The following COL19A1 variants were observed in gnomAD, a reference collection of about 807,000 sequenced individuals.
The protein encoded by COL19A1 is collagen alpha-1(XIX) chain.
A neutral mutation model predicts 190.2 loss-of-function variants in COL19A1; 159 were observed. The ratio of observed to expected loss-of-function variants is 0.84; its 90% CI spans 0.73 to 0.95. The LOEUF (loss-of-function observed/expected upper bound fraction) is 0.95, where lower values mean the gene tolerates loss of function less well. COL19A1 is among the 40% of genes least tolerant of loss of function. The probability of loss-of-function intolerance (pLI) is 0.00; values close to 1 mark genes in which losing one functional copy is unlikely to be tolerated. For missense variants in COL19A1, 1,418 were observed against 1,431.9 expected (o/e 0.99, Z 0.16); for synonymous variants, 509 against 458.9 (o/e 1.11, Z -1.39).
chr6:70,161,928 G>T lies in COL19A1; in HGVS notation c.2321G>T (p.Gly774Val). ...CTTCAAGGAATTCCAGGCATTCCAGGTGCTCCAGGCCCGACTGGACCCCCT... is the reference window on the plus strand; with the variant it reads ...CTTCAAGGAATTCCAGGCATTCCAGTTGCTCCAGGCCCGACTGGACCCCCT... ...EGLQGIPGIPGAPGPTGPPGL... is the reference protein window; with the variant it reads ...EGLQGIPGIPVAPGPTGPPGL... Residue 774 changes from glycine (G) to valine (V), a missense_variant, in exon 35 of 51, where the codon GGT becomes GTT. Physicochemically the swap from Gly to Val is moderately radical, Grantham distance 109. Transcript: ENST00000620364. The T allele has an allele frequency of 6.2e-7, 1 of 1,607,098 alleles. No homozygotes were observed. The highest frequency in any genetic ancestry group is 8.5e-7 in the Non-Finnish European group (1 of 1,176,682).
chr6:69,906,450 A>AT (rs1260633630), intron 4 of COL19A1, among the ~76,000 whole-genome samples: 1 of 152,186 alleles, frequency 6.6e-6, no homozygotes, highest in East Asian at 1.9e-4. Flanking sequence ...GCTGTGACCC[A>AT]TTAAAAAAAA....
chr6:70,069,063 C>T (rs1781408910), intron 15 of COL19A1, among the ~76,000 whole-genome samples: 1 of 152,016 alleles, frequency 6.6e-6, no homozygotes, highest in African/African-American at 2.4e-5. Flanking sequence ...CAGTGGGGAC[C>T]CCATTCTTGT....
rs368243723 is a variant in COL19A1, at chr6:70,180,338, A to T, written c.2694A>T (p.Pro898=). 6.2e-7 allele frequency: 1 copy of T among 1,614,184 alleles called. No homozygotes were observed. The highest frequency in any genetic ancestry group is 8.5e-7 in the Non-Finnish European group (1 of 1,180,010). The change falls in exon 43 of 51, where the codon CCA becomes CCT. Residue 898 remains proline, a synonymous_variant. Transcript: ENST00000620364. ...MSGKPGAPGP[P]GVPGEPGERG... ...GAAAACCTGGTGCCCCAGGGCCTCC[A>T]GGAGTTCCAGGGGAACCGGTGAGTT...
At chr6:70,047,320 G>C (rs928683026) in intron 14 of COL19A1, among the ~76,000 whole-genome samples, 4 of 152,038 alleles carry the variant, frequency 2.6e-5, no homozygotes, top group Non-Finnish European at 5.9e-5. Flanking sequence ...TTACAAGGCA[G>C]ATATACGTGA....
chr6:69,895,360 C>T (rs1242362390), intron 2 of COL19A1, among the ~76,000 whole-genome samples: 3 of 152,238 alleles, frequency 2.0e-5, no homozygotes, highest in Non-Finnish European at 4.4e-5. Flanking sequence ...TCATTTCACT[C>T]ACCACTTCTT....
At chr6:69,935,642 T>A (rs995347645) in intron 7 of COL19A1, among the ~76,000 whole-genome samples, 1 of 152,068 alleles carries the variant, frequency 6.6e-6, no homozygotes, top group African/African-American at 2.4e-5. Flanking sequence ...AGTTGCTGTA[T>A]TTCTGGGTGT....
Position 69,929,442 on chromosome 6 carries a change from T to C in COL19A1, c.408T>C (p.Asp136=). 6.2e-7 allele frequency: 1 copy of C among 1,613,858 alleles called. No individual in the cohort carries two copies. The highest frequency in any genetic ancestry group is 8.5e-7 in the Non-Finnish European group (1 of 1,179,872). ...TTTTGCAGATTTCTATAGTAGTTGA[T>C]GGTGGAAAGAAGGTGGTGGAATTTA... ...QNIPQISIVV[D]GGKKVVEFMF... is the part of the protein sequence containing the mutation. The change falls in exon 6 of 51, where the codon GAT becomes GAC. Residue 136 remains aspartate, a synonymous_variant. Coordinates refer to ENST00000620364, the MANE Select transcript of COL19A1 (RefSeq NM_001858.6).
intron 9 of COL19A1, among the ~76,000 whole-genome samples, chr6:69,946,203 C>T (rs1446342682): frequency 6.6e-6 from 1 of 151,944 alleles, no homozygotes; most frequent in African/African-American, 2.4e-5. Flanking sequence ...ATTGAAGTAA[C>T]AGCAATAGTA....
At chr6:70,073,896 T>C (rs1229016988) in intron 15 of COL19A1, among the ~76,000 whole-genome samples, 1 of 152,210 alleles carries the variant, frequency 6.6e-6, no homozygotes, top group Non-Finnish European at 1.5e-5. Context: ...TTGGTTTGAT[T>C]CTGAACTGGT....
At chr6:70,133,142 A>C (rs1438757467) in intron 18 of COL19A1, among the ~76,000 whole-genome samples, 1 of 152,226 alleles carries the variant, frequency 6.6e-6, no homozygotes, top group African/African-American at 2.4e-5. Flanking sequence ...TTTGACAAAG[A>C]AGGGACTCAG....
intron 14 of COL19A1, among the ~76,000 whole-genome samples, chr6:70,055,617 A>C (rs979999072): frequency 6.6e-5 from 10 of 151,848 alleles, no homozygotes; most frequent in Non-Finnish European, 1.3e-4. Context: ...CCTCATCTCT[A>C]CTAAAAATAC....
At chr6:69,985,614 A>G (rs1050783235) in intron 11 of COL19A1, among the ~76,000 whole-genome samples, 2 of 152,138 alleles carry the variant, frequency 1.3e-5, no homozygotes, top group South Asian at 2.1e-4. Context: ...GGACCCTGGA[A>G]CCTAAGTTTC....
At chr6:70,021,075 G>T (rs374421789) in intron 11 of COL19A1, among the ~76,000 whole-genome samples, 1 of 152,084 alleles carries the variant, frequency 6.6e-6, no homozygotes, top group East Asian at 1.9e-4. Flanking sequence ...AATATTGAAT[G>T]AGCGTTTTAT....
At chr6:69,925,192 T>C (rs1319904716) in intron 4 of COL19A1, among the ~76,000 whole-genome samples, 1 of 152,202 alleles carries the variant, frequency 6.6e-6, no homozygotes, top group East Asian at 1.9e-4. Flanking sequence ...TTGCCTAGGT[T>C]TTTTTCTAGG....
At chr6:70,205,030 C>A (rs1767774690) in intron 49 of COL19A1, among the ~76,000 whole-genome samples, 1 of 152,100 alleles carries the variant, frequency 6.6e-6, no homozygotes, top group Non-Finnish European at 1.5e-5. Context: ...CAATATAGAT[C>A]AACTATGGTT....
At chr6:69,893,305 A>T (rs1395466892) in intron 2 of COL19A1, among the ~76,000 whole-genome samples, 1 of 152,238 alleles carries the variant, frequency 6.6e-6, no homozygotes, top group Non-Finnish European at 1.5e-5. Flanking sequence ...TCTATAGCTT[A>T]TTAGAAACCA....
intron 25 of COL19A1, among the ~76,000 whole-genome samples, chr6:70,145,722 C>CTTTTTTTTTTTTTTT (rs56306364): frequency 1.6e-5 from 2 of 128,172 alleles, no homozygotes; most frequent in Admixed American, 8.3e-5. Context: ...CTTATTGTTT[C>CTTTTTTTTTTTTTTT]TTTTTTTTTT....
At chr6:70,157,222 A>T (rs559281165) in intron 34 of COL19A1, among the ~76,000 whole-genome samples, 2 of 152,068 alleles carry the variant, frequency 1.3e-5, no homozygotes, top group African/African-American at 4.8e-5. Context: ...GGGAGAAAAA[A>T]AAACTGTCAG....
At chr6:69,897,557 A>G (rs747978689) in intron 2 of COL19A1, among the ~76,000 whole-genome samples, 1 of 152,078 alleles carries the variant, frequency 6.6e-6, no homozygotes, top group Non-Finnish European at 1.5e-5. Context: ...TAACATCTTA[A>G]CAATTTTAAG....
Sources: gnomAD v4.1 joint callset for allele counts (sites outside exome capture counted in the v4.1 genomes callset) on GRCh38, gnomAD v4.1.1 for gene constraint, MANE v1.5 for transcripts, NCBI Gene and HGNC (gene_info 2026-07-23, HGNC 2026-07-21) for gene names.